ADGRL4: variants seen among roughly 807,000 people sequenced by gnomAD.
ADGRL4 encodes the protein EGF, latrophilin and seven transmembrane domain containing 1.
Under a neutral mutation model 74.8 loss-of-function variants are expected in ADGRL4, and 90 were observed. That is an observed-to-expected ratio of 1.20 (90% CI 1.02 to 1.43). ADGRL4 has a LOEUF of 1.43. Among genes scored for constraint, ADGRL4 ranks in the 40% most tolerant of loss-of-function variants. The probability of loss-of-function intolerance (pLI) is 0.00; values close to 1 mark genes in which losing one functional copy is unlikely to be tolerated. For synonymous variants in ADGRL4, 311 were observed against 279.2 expected, an observed-to-expected ratio of 1.11 and a Z score of -1.14; for missense variants, 881 against 814.3, an observed-to-expected ratio of 1.08 and a Z score of -1.00.
At chr1:78,950,395 GC>G (rs1557509661) in intron 2 of ADGRL4, among the ~76,000 whole-genome samples, 1 of 152,092 alleles carries the variant, frequency 6.6e-6, no homozygotes, top group African/African-American at 2.4e-5. Context: ...GAAAACGCTT[GC>G]CAAGAATTTG....
intron 2 of ADGRL4, among the ~76,000 whole-genome samples, chr1:78,987,079 A>G (rs985759359): frequency 2.6e-5 from 4 of 151,826 alleles, no homozygotes; most frequent in African/African-American, 9.7e-5. Context: ...TCAGTCTCAG[A>G]TAATTTTTTT....
Position 78,938,353 on chromosome 1 carries a change from G to A in ADGRL4, c.397-74C>T, listed in dbSNP as rs113176211. On this transcript the variant is annotated intron_variant, in intron 4 of 14. Transcript: ENST00000370742. ...AGTTTTACAAGAATAAAACTTACAT[G>A]TTAAATTTACCCTGAGGTTGGTTTC... The A allele has an allele frequency of 4.1e-5, 52 of 1,270,068 alleles. 1 individual carries two copies. The African/African-American group carries it at 5.8e-4, about 14-fold the overall frequency. The allele number at this position is 1,270,068 out of a possible 1,614,324, so 78.7% of individuals were successfully genotyped here. A position where few individuals can be genotyped will look rare whatever the true frequency, so the allele number is the denominator to read the frequency against.
chr1:78,942,173 C>CAAAAAA (rs398049382), intron 3 of ADGRL4, among the ~76,000 whole-genome samples: 1 of 73,612 alleles, frequency 1.4e-5, no homozygotes, highest in Non-Finnish European at 2.5e-5. Flanking sequence ...GACTCCGTCT[C>CAAAAAA]AAAAAAAAAA....
At chr1:78,926,469 CT>C (rs1216750042) in intron 8 of ADGRL4, among the ~76,000 whole-genome samples, 1 of 151,958 alleles carries the variant, frequency 6.6e-6, no homozygotes, top group African/African-American at 2.4e-5. Flanking sequence ...CTATAATTTT[CT>C]TTTAATCAAC....
chr1:78,992,336 T>C (rs544490859), intron 2 of ADGRL4, among the ~76,000 whole-genome samples: 2 of 152,196 alleles, frequency 1.3e-5, no homozygotes, highest in East Asian at 3.9e-4. Flanking sequence ...ATAAATTATG[T>C]ATCTGAATGT....
chr1:78,984,324 T>C (rs1650453191), intron 2 of ADGRL4, among the ~76,000 whole-genome samples: 1 of 151,808 alleles, frequency 6.6e-6, no homozygotes, highest in Non-Finnish European at 1.5e-5. Flanking sequence ...TATTTTTAGG[T>C]ATGTAAAAAT....
At chr1:78,965,986 A>G (rs1650047821) in intron 2 of ADGRL4, among the ~76,000 whole-genome samples, 1 of 149,310 alleles carries the variant, frequency 6.7e-6, no homozygotes, top group Non-Finnish European at 1.5e-5. Flanking sequence ...ATGATAGGAC[A>G]GAACCAAAAA....
chr1:78,962,740 T>G (rs1649980555), intron 2 of ADGRL4, among the ~76,000 whole-genome samples: 1 of 152,198 alleles, frequency 6.6e-6, no homozygotes, highest in Admixed American at 6.6e-5. Context: ...TTAACTTCAG[T>G]GATTTTTTTT....
rs375819666 is a variant in ADGRL4, at chr1:79,006,618, G to A, written c.22+15C>T. 7.9e-5 allele frequency: 121 copies of A among 1,535,548 alleles called. No homozygotes were observed. Among genetic ancestry groups the A allele is most frequent in the Non-Finnish European group, 1.1e-4 (120 of 1,141,514 alleles). ...CCTCCGACGACCTCGGCGACCAGGG[G>A]CGCTGAGCACTCACCTAGGAGCGGG... is the stretch of plus-strand genomic sequence containing the variant. On this transcript the variant is annotated intron_variant, in intron 1 of 14. Coordinates refer to ENST00000370742, the MANE Select transcript of ADGRL4 (RefSeq NM_022159.4).
chr1:78,975,491 A>G (rs966378366), intron 2 of ADGRL4, among the ~76,000 whole-genome samples: 1 of 152,008 alleles, frequency 6.6e-6, no homozygotes, highest in Non-Finnish European at 1.5e-5. Context: ...AGACCCTCTT[A>G]AATGGTCTTA....
intron 12 of ADGRL4, among the ~76,000 whole-genome samples, chr1:78,913,865 T>A (rs994913372): frequency 6.6e-6 from 1 of 151,920 alleles, no homozygotes; most frequent in Admixed American, 6.6e-5. Context: ...TAGTGAGGGA[T>A]AGCAAGGCCC....
At chr1:78,947,322 A>T (rs1234418589) in intron 2 of ADGRL4, among the ~76,000 whole-genome samples, 1 of 152,218 alleles carries the variant, frequency 6.6e-6, no homozygotes, top group African/African-American at 2.4e-5. Flanking sequence ...AATGATTGAC[A>T]TCCTTATAAA....
intron 3 of ADGRL4, among the ~76,000 whole-genome samples, chr1:78,940,839 A>C (rs1165519720): frequency 6.6e-6 from 1 of 152,178 alleles, no homozygotes; most frequent in Non-Finnish European, 1.5e-5. Context: ...TCCAACAAAA[A>C]GACCTAGAAA....
chr1:78,924,364 A>G (rs1273366204), intron 8 of ADGRL4, among the ~76,000 whole-genome samples: 1 of 152,048 alleles, frequency 6.6e-6, no homozygotes, highest in African/African-American at 2.4e-5. Context: ...TCAAATGGCC[A>G]CTGGAGAATA....
At chr1:79,004,786 GT>G (rs1650925662) in intron 2 of ADGRL4, among the ~76,000 whole-genome samples, 1 of 152,096 alleles carries the variant, frequency 6.6e-6, no homozygotes, top group Non-Finnish European at 1.5e-5. Context: ...TCCCAAAGCT[GT>G]TGACTATGCC....
intron 2 of ADGRL4, among the ~76,000 whole-genome samples, chr1:78,952,417 G>A (rs1321778446): frequency 7.0e-6 from 1 of 142,690 alleles, no homozygotes; most frequent in African/African-American, 2.6e-5. Flanking sequence ...TTCCATATCA[G>A]TACTATAAGG....
intron 2 of ADGRL4, 113 bp from the exon 3 acceptor site, chr1:78,946,539 T>A: frequency 1.2e-6 from 1 of 834,052 alleles, no homozygotes; most frequent in Non-Finnish European, 1.8e-6. Context: ...TATGTGATGT[T>A]TATATCTACA....
chr1:78,907,095 A>G (rs1570217387), intron 12 of ADGRL4, among the ~76,000 whole-genome samples: 1 of 152,054 alleles, frequency 6.6e-6, no homozygotes, highest in Non-Finnish European at 1.5e-5. Flanking sequence ...TTGTCTAGCC[A>G]GCACTTCATT....
At chr1:78,927,803 A>ATGACTGTG (rs1484142896) in intron 7 of ADGRL4, among the ~76,000 whole-genome samples, 1 of 152,178 alleles carries the variant, frequency 6.6e-6, no homozygotes, top group East Asian at 1.9e-4. Context: ...TTATTTGGAT[A>ATGACTGTG]TGACTGTGTG....
Sources: allele counts gnomAD v4.1 joint callset (sites outside exome capture counted in the v4.1 genomes callset), GRCh38; gene constraint gnomAD v4.1.1; transcripts MANE v1.5; gene names NCBI Gene and HGNC (gene_info 2026-07-23, HGNC 2026-07-21).